Variants in NFIA observed in about 807,000 individuals in gnomAD.
NFIA encodes nuclear factor I A, also known as nuclear factor 1 A-type.
A neutral mutation model predicts 62.8 loss-of-function variants in NFIA; 8 were observed. The ratio of observed to expected loss-of-function variants is 0.13; its 90% confidence interval spans 0.07 to 0.23. NFIA has a LOEUF of 0.23. Ranked by LOEUF, NFIA falls within the 10% of genes least tolerant of loss-of-function variation. The pLI, the probability that NFIA is intolerant of heterozygous loss-of-function variation, is 1.00. For synonymous variants in NFIA, 235 were observed against 238.1 expected (o/e 0.99, Z 0.12); for missense variants, 410 against 642.1 (o/e 0.64, Z 3.91).
chr1:61,199,764 G>A (rs914765934), intron 2 of NFIA, among the ~76,000 whole-genome samples: 3 of 151,746 alleles, frequency 2.0e-5, no homozygotes, highest in African/African-American at 7.3e-5. Context: ...GGAGGCCGAG[G>A]TAGGTGGGTC....
intron 3 of NFIA, among the ~76,000 whole-genome samples, chr1:61,311,345 C>T (rs369820485): frequency 2.0e-5 from 3 of 151,974 alleles, no homozygotes; most frequent in African/African-American, 4.8e-5. Context: ...GAGCCGAGAT[C>T]GCGACATTGC....
At chr1:61,221,628 G>T (rs1211074973) in intron 2 of NFIA, among the ~76,000 whole-genome samples, 1 of 152,056 alleles carries the variant, frequency 6.6e-6, no homozygotes, top group South Asian at 2.1e-4. Context: ...TTAAAAATTG[G>T]CATCCTGAAA....
chr1:61,108,556 A>G (rs1399635247), intron 2 of NFIA, among the ~76,000 whole-genome samples: 1 of 151,672 alleles, frequency 6.6e-6, no homozygotes. Flanking sequence ...TTTCTATTCT[A>G]TGCTTTTATC....
At chr1:61,105,862 G>T (rs903931974) in intron 2 of NFIA, among the ~76,000 whole-genome samples, 18 of 151,770 alleles carry the variant, frequency 1.2e-4, no homozygotes, top group Non-Finnish European at 2.5e-4. Context: ...CTACAACAGT[G>T]GGTGTGCTGA....
At chr1:61,424,918 T>C (rs1257542224) in intron 9 of NFIA, among the ~76,000 whole-genome samples, 1 of 152,216 alleles carries the variant, frequency 6.6e-6, no homozygotes, top group Non-Finnish European at 1.5e-5. Context: ...ATTTCTCAAA[T>C]CTGTTCAAAT....
chr1:61,101,236 A>G (rs1305825202), intron 2 of NFIA, among the ~76,000 whole-genome samples: 1 of 151,914 alleles, frequency 6.6e-6, no homozygotes, highest in Non-Finnish European at 1.5e-5. Context: ...TCTCTACTGA[A>G]AATACAAAAT....
chr1:61,144,827 A>G (rs1647807911), intron 2 of NFIA, among the ~76,000 whole-genome samples: 1 of 152,204 alleles, frequency 6.6e-6, no homozygotes, highest in Non-Finnish European at 1.5e-5. Context: ...CCTTTGTATT[A>G]GCCATTAGCT....
At chr1:61,321,531 A>G (rs1660679746) in intron 3 of NFIA, among the ~76,000 whole-genome samples, 1 of 152,152 alleles carries the variant, frequency 6.6e-6, no homozygotes, top group Admixed American at 6.6e-5. Context: ...TATTTGAAGG[A>G]TAGTAGAAAT....
At chr1:61,089,491 T>C (rs1282062038) in intron 2 of NFIA, among the ~76,000 whole-genome samples, 1 of 152,190 alleles carries the variant, frequency 6.6e-6, no homozygotes, top group African/African-American at 2.4e-5. Flanking sequence ...ATTTTTACTT[T>C]GTTCCTTTCG....
Position 61,461,999 on chromosome 1 carries a change from ATAG to A in NFIA, c.*6681_*6683del, listed in dbSNP as rs1668548980. On this transcript the variant is annotated 3_prime_UTR_variant, in exon 11 of 11. Transcript: ENST00000403491. Reference sequence around the variant, plus strand: ...TTTTTTAAATTTTTATTTTTTGATAATAGTCTGTAAGTTAGCCTTTTTGGGTTT... The same window carrying A: ...TTTTTTAAATTTTTATTTTTTGATAATCTGTAAGTTAGCCTTTTTGGGTTT... 1 of 132,542 alleles carries A rather than the reference ATAG, an allele frequency of 7.5e-6. No individual in the cohort carries two copies. Among genetic ancestry groups the A allele is most frequent in the Non-Finnish European group, 1.6e-5 (1 of 61,152 alleles). 8.2% of individuals were successfully genotyped at this position (132,542 alleles called of 1,614,324 possible).
At chr1:61,170,719 T>C (rs1353222998) in intron 2 of NFIA, among the ~76,000 whole-genome samples, 2 of 152,232 alleles carry the variant, frequency 1.3e-5, no homozygotes, top group African/African-American at 4.8e-5. Context: ...AGCATTTCTT[T>C]ACCTTGGAAC....
intron 2 of NFIA, among the ~76,000 whole-genome samples, chr1:61,163,774 T>A (rs1390531913): frequency 6.6e-6 from 1 of 152,220 alleles, no homozygotes. Context: ...GCATGGTATC[T>A]ATTTTTGTAT....
intron 2 of NFIA, among the ~76,000 whole-genome samples, chr1:61,147,806 A>G (rs1366647578): frequency 6.6e-6 from 1 of 152,062 alleles, no homozygotes; most frequent in Non-Finnish European, 1.5e-5. Flanking sequence ...CTTCGGTTGG[A>G]TTAAGAAAAG....
At chr1:61,227,797 T>TA (rs150336292) in intron 2 of NFIA, among the ~76,000 whole-genome samples, 9,735 of 152,266 alleles carry the variant, frequency 0.064, 356 homozygotes, top group Non-Finnish European at 0.071. Flanking sequence ...TATTCCTAAT[T>TA]AAAATCTTTA....
intron 2 of NFIA, among the ~76,000 whole-genome samples, chr1:61,150,447 G>C (rs895509031): frequency 1.3e-5 from 2 of 152,118 alleles, no homozygotes; most frequent in Non-Finnish European, 2.9e-5. Flanking sequence ...TGACATTTTG[G>C]GGCATCCTTT....
At chr1:61,415,504 TAGAA>T (rs976930296) in intron 9 of NFIA, among the ~76,000 whole-genome samples, 60 of 152,182 alleles carry the variant, frequency 3.9e-4, no homozygotes, top group African/African-American at 1.4e-3. Flanking sequence ...AACAATCCAA[TAGAA>T]AGACAAGAAA....
intron 7 of NFIA, among the ~76,000 whole-genome samples, chr1:61,390,205 C>G (rs923684815): frequency 1.3e-5 from 2 of 152,168 alleles, no homozygotes; most frequent in Non-Finnish European, 2.9e-5. Context: ...AAACAGTTTG[C>G]CTTCGCATTA....
chr1:61,319,824 CA>C (rs1478040763), intron 3 of NFIA, among the ~76,000 whole-genome samples: 4 of 151,534 alleles, frequency 2.6e-5, no homozygotes, highest in South Asian at 2.1e-4. Context: ...CACACACACA[CA>C]CACACACACA....
In NFIA at chr1:61,414,979, G is replaced by A. The variant is rs537783596; in HGVS notation, c.1420+8252G>A. ...ACCTACTCTTAGTTTAAAGTCTGAT[G>A]TCACTTAGTGCCAGGGAACTTATTT... On this transcript the variant is annotated intron_variant, in intron 9 of 10. Transcript: ENST00000403491. Among the ~76,000 whole-genome samples, 139 of 152,222 alleles carry A rather than the reference G, an allele frequency of 9.1e-4. 1 individual carries two copies. The highest frequency in any genetic ancestry group is 3.3e-3 in the African/African-American group (135 of 41,528).
Sources: gnomAD v4.1 joint callset for allele counts (sites outside exome capture counted in the v4.1 genomes callset) on GRCh38, gnomAD v4.1.1 for gene constraint, MANE v1.5 for transcripts, NCBI Gene and HGNC (gene_info 2026-07-23, HGNC 2026-07-21) for gene names.